Variants in IQSEC1 observed in about 807,000 individuals in gnomAD.
The protein encoded by IQSEC1 is IQ motif and Sec7 domain ArfGEF 1.
IQSEC1 carries 31 observed loss-of-function variants against 91.0 expected under a neutral mutation model. The ratio of observed to expected loss-of-function variants is 0.34; its 90% CI spans 0.26 to 0.46. The LOEUF is 0.46. Ranked by LOEUF, IQSEC1 falls within the 20% of genes least tolerant of loss-of-function variation. The pLI, the probability that IQSEC1 is intolerant of heterozygous loss-of-function variation, is 1.00. For missense variants in IQSEC1, 1,388 were observed against 1,575.6 expected, an observed-to-expected ratio of 0.88 and a Z score of 2.02; for synonymous variants, 699 against 662.6, an observed-to-expected ratio of 1.05 and a Z score of -0.84.
chr3:13,273,238 C>T (rs2125148087), intron 1 of IQSEC1, among the ~76,000 whole-genome samples: 1 of 152,310 alleles, frequency 6.6e-6, no homozygotes. Context: ...GGCCACCGTG[C>T]TGCCCAAATA....
Position 12,967,315 on chromosome 3 carries a change from G to A in IQSEC1, c.24-25450C>T. ...GACGGTCACCCGCACTCCCGCACAG[G>A]CATCCCCACAGCCTGCGCCAGCCCA... On this transcript the variant is annotated intron_variant, in intron 1 of 13. Transcript: ENST00000613206. The surrounding 1 kb of genome is among the most constrained non-coding windows in gnomAD (Gnocchi z 5.9). The A allele has an allele frequency of 1.5e-6, 2 of 1,340,840 alleles. No homozygotes were observed. Among genetic ancestry groups the A allele is most frequent in the East Asian group, 2.6e-5 (1 of 37,816 alleles). 83.1% of individuals were successfully genotyped at this position (1,340,840 alleles called of 1,614,324 possible).
chr3:13,173,633 C>T (rs1215900065), intron 1 of IQSEC1, among the ~76,000 whole-genome samples: 1 of 152,194 alleles, frequency 6.6e-6, no homozygotes, highest in African/African-American at 2.4e-5. Flanking sequence ...TTGTCAGGCC[C>T]CTGCATGAGG....
intron 1 of IQSEC1, among the ~76,000 whole-genome samples, chr3:13,204,173 G>T (rs28477332): frequency 6.6e-6 from 1 of 152,158 alleles, no homozygotes; most frequent in Non-Finnish European, 1.5e-5. Flanking sequence ...GCTGCGGAGA[G>T]CTGCGGAGAG....
At chr3:13,243,796 G>C (rs1352659079) in intron 1 of IQSEC1, among the ~76,000 whole-genome samples, 1 of 152,188 alleles carries the variant, frequency 6.6e-6, no homozygotes, top group Non-Finnish European at 1.5e-5. Context: ...TGTATTTCTA[G>C]GGGGGCGTAT....
At chr3:12,963,310 CAGCGAA>C (rs760497661) in intron 1 of IQSEC1, among the ~76,000 whole-genome samples, 3 of 152,254 alleles carry the variant, frequency 2.0e-5, no homozygotes, top group Non-Finnish European at 4.4e-5. Flanking sequence ...CTCCAAGGAG[CAGCGAA>C]GCTGCAGGTA....
chr3:13,019,499 C>A (rs2124962126), intron 1 of IQSEC1, among the ~76,000 whole-genome samples: 1 of 152,374 alleles, frequency 6.6e-6, no homozygotes, highest in African/African-American at 2.4e-5. Flanking sequence ...GGGCCACAGA[C>A]CTGCTGACTC....
At chr3:13,034,987 G>A (rs1463353845) in intron 1 of IQSEC1, among the ~76,000 whole-genome samples, 4 of 152,250 alleles carry the variant, frequency 2.6e-5, no homozygotes, top group Non-Finnish European at 5.9e-5. Flanking sequence ...CCCCATGGAA[G>A]CCCAGTGGTC....
intron 1 of IQSEC1, among the ~76,000 whole-genome samples, chr3:13,178,949 G>T (rs1693786286): frequency 6.6e-6 from 1 of 152,164 alleles, no homozygotes; most frequent in South Asian, 2.1e-4. Flanking sequence ...AAGTATCAAA[G>T]AACTGAAATT....
Position 12,899,403 on chromosome 3 carries a change from A to G in IQSEC1, c.*1580T>C. On this transcript the variant is annotated 3_prime_UTR_variant, in exon 14 of 14. Transcript: ENST00000613206. ...GGGTCCCATGGCTTAGGAGCACAGCACTGACGGCTGCAGTGGCTCGAAAGG... is the reference window on the plus strand; with the variant it reads ...GGGTCCCATGGCTTAGGAGCACAGCGCTGACGGCTGCAGTGGCTCGAAAGG... The G allele has an allele frequency of 1.9e-6, 3 of 1,613,134 alleles. No homozygotes were observed. Among genetic ancestry groups the G allele is most frequent in the South Asian group, 1.1e-5 (1 of 91,008 alleles).
At chr3:13,009,118 C>T (rs993347681) in intron 1 of IQSEC1, among the ~76,000 whole-genome samples, 5 of 152,230 alleles carry the variant, frequency 3.3e-5, no homozygotes, top group Admixed American at 6.5e-5. Context: ...AAGTGCCTGG[C>T]ACTGGGTCAG....
At chr3:13,065,724 C>T (rs2125098999) in intron 1 of IQSEC1, among the ~76,000 whole-genome samples, 1 of 152,292 alleles carries the variant, frequency 6.6e-6, no homozygotes, top group Middle Eastern at 3.4e-3. Context: ...CCCAGCAATC[C>T]CACTTCTGAG....
rs1698613411 is a variant in IQSEC1 at position 12,940,120 on chromosome 3, T to C, written c.318+1451A>G. ...TAAATGGCTCTGTTGCAGACATCTC[T>C]TACTATAAACCGTGGTCCACTTTGG... On this transcript the variant is annotated intron_variant, in intron 2 of 13. Coordinates refer to ENST00000613206, the MANE Select transcript of IQSEC1 (RefSeq NM_001134382.3). This position sits in a 1 kb window ranked among gnomAD's most constrained non-coding sequence, Gnocchi z 4.4. 6.6e-6 allele frequency among the ~76,000 whole-genome samples: 1 copy of C among 152,216 alleles called. No individual in the cohort carries two copies. The highest frequency in any genetic ancestry group is 2.4e-5 in the African/African-American group (1 of 41,454).
intron 1 of IQSEC1, among the ~76,000 whole-genome samples, chr3:13,052,569 A>G (rs1486878461): frequency 1.3e-5 from 2 of 152,220 alleles, no homozygotes; most frequent in Non-Finnish European, 2.9e-5. Context: ...CCAAGAGCCC[A>G]GATGGTAGGT....
At chr3:13,060,249 CG>C (rs1476233886) in intron 1 of IQSEC1, among the ~76,000 whole-genome samples, 1 of 151,958 alleles carries the variant, frequency 6.6e-6, no homozygotes, top group African/African-American at 2.4e-5. Context: ...GAGAGTAAGG[CG>C]GGGAGGTGGA....
chr3:13,241,468 G>GGTTAAA (rs1695020535), intron 1 of IQSEC1, among the ~76,000 whole-genome samples: 1 of 152,204 alleles, frequency 6.6e-6, no homozygotes, highest in Non-Finnish European at 1.5e-5. Flanking sequence ...CCAGGATGCT[G>GGTTAAA]GCAGCTTCAG....
At chr3:12,990,223 C>A (rs1378637054) in intron 1 of IQSEC1, among the ~76,000 whole-genome samples, 4 of 152,182 alleles carry the variant, frequency 2.6e-5, no homozygotes, top group Non-Finnish European at 4.4e-5. Context: ...AGTCTTGGAG[C>A]TAAAATGGTC....
intron 1 of IQSEC1, among the ~76,000 whole-genome samples, chr3:13,205,067 G>A (rs967121420): frequency 2.0e-5 from 3 of 151,568 alleles, no homozygotes; most frequent in African/African-American, 7.3e-5. Flanking sequence ...CAAAGTGCTG[G>A]GATTACAGGT....
chr3:13,128,620 C>T, intron 2 of IQSEC1, among the ~76,000 whole-genome samples: 1 of 152,110 alleles, frequency 6.6e-6, no homozygotes, highest in Non-Finnish European at 1.5e-5. Context: ...AATCCCAGCA[C>T]TTTGGGAGGC....
intron 1 of IQSEC1, among the ~76,000 whole-genome samples, chr3:12,952,353 C>A (rs1016750163): frequency 1.3e-5 from 2 of 152,122 alleles, no homozygotes; most frequent in African/African-American, 4.8e-5. Context: ...GCTCACTGAG[C>A]GTCACTCTTG....
Sources: allele counts gnomAD v4.1 joint callset (sites outside exome capture counted in the v4.1 genomes callset), GRCh38; gene constraint gnomAD v4.1.1; non-coding constraint Gnocchi (gnomAD v3.1); transcripts MANE v1.5; gene names NCBI Gene and HGNC (gene_info 2026-07-23, HGNC 2026-07-21).